The following KCND2 variants were observed in gnomAD, a reference collection of about 807,000 sequenced individuals.
KCND2 encodes the protein A-type voltage-gated potassium channel KCND2.
A neutral mutation model predicts 54.4 loss-of-function variants in KCND2; 16 were observed. The ratio of observed to expected loss-of-function variants is 0.29; its 90% CI spans 0.20 to 0.45. KCND2 has a LOEUF of 0.45. Ranked by LOEUF, KCND2 falls within the 20% of genes least tolerant of loss-of-function variation. The pLI is 1.00. For missense variants in KCND2, 486 were observed against 824.2 expected (o/e 0.59, Z 5.02); for synonymous variants, 317 against 310.7 (o/e 1.02, Z -0.21).
intron 1 of KCND2, among the ~76,000 whole-genome samples, chr7:120,362,294 T>G (rs949172105): frequency 6.6e-6 from 1 of 152,144 alleles, no homozygotes; most frequent in Non-Finnish European, 1.5e-5. Context: ...GCTTTTGAAG[T>G]AAAAAGTTTC....
intron 1 of KCND2, among the ~76,000 whole-genome samples, chr7:120,459,427 A>G (rs1456484578): frequency 6.6e-6 from 1 of 152,134 alleles, no homozygotes; most frequent in African/African-American, 2.4e-5. Context: ...TCAAATTTGA[A>G]TGGCTGCCTC....
chr7:120,509,061 C>T (rs1478861305), intron 1 of KCND2, among the ~76,000 whole-genome samples: 1 of 151,756 alleles, frequency 6.6e-6, no homozygotes, highest in Non-Finnish European at 1.5e-5. Flanking sequence ...GGTATTACTG[C>T]CAACAGTTTT....
chr7:120,430,693 A>G (rs1801776051), intron 1 of KCND2, among the ~76,000 whole-genome samples: 2 of 152,156 alleles, frequency 1.3e-5, no homozygotes, highest in East Asian at 1.9e-4. Context: ...TCCTTTCCCA[A>G]CTACATATTT....
chr7:120,377,563 G>GAA (rs34883321), intron 1 of KCND2, among the ~76,000 whole-genome samples: 9 of 150,200 alleles, frequency 6.0e-5, no homozygotes, highest in African/African-American at 1.5e-4. Flanking sequence ...CTCACCCCAA[G>GAA]AAAAAAAAAA....
chr7:120,701,868 T>A (rs1043755776), intron 1 of KCND2, among the ~76,000 whole-genome samples: 2 of 152,158 alleles, frequency 1.3e-5, no homozygotes, highest in African/African-American at 4.8e-5. Flanking sequence ...GAAGACAACG[T>A]AGGCAATGCC....
chr7:120,338,282 C>G (rs1026675543), intron 1 of KCND2, among the ~76,000 whole-genome samples: 1 of 152,038 alleles, frequency 6.6e-6, no homozygotes, highest in Non-Finnish European at 1.5e-5. Context: ...TATCCAGTAT[C>G]TCTTACTTCT....
chr7:120,578,916 T>TCACACACACA (rs111758455), intron 1 of KCND2, among the ~76,000 whole-genome samples: 5,842 of 146,746 alleles, frequency 0.04, 144 homozygotes, highest in Non-Finnish European at 0.063. Context: ...AGACCCTGTC[T>TCACACACACA]CACACACACA....
At chr7:120,688,405 T>A (rs1439742056) in intron 1 of KCND2, among the ~76,000 whole-genome samples, 1 of 152,152 alleles carries the variant, frequency 6.6e-6, no homozygotes, top group East Asian at 1.9e-4. Context: ...CATGCCATTT[T>A]CCCATATCAG....
intron 1 of KCND2, among the ~76,000 whole-genome samples, chr7:120,677,560 T>TAG (rs1477195497): frequency 0.015 from 2,084 of 137,492 alleles, 38 homozygotes; most frequent in African/African-American, 0.052. Context: ...TATATAGATA[T>TAG]ATAGATATAT....
At chr7:120,399,726 T>G (rs1409434362) in intron 1 of KCND2, among the ~76,000 whole-genome samples, 1 of 151,624 alleles carries the variant, frequency 6.6e-6, no homozygotes, top group African/African-American at 2.4e-5. Flanking sequence ...ATTTATTTAT[T>G]TATTTATTTA....
intron 1 of KCND2, among the ~76,000 whole-genome samples, chr7:120,597,320 C>T (rs941036147): frequency 3.3e-5 from 5 of 151,992 alleles, no homozygotes; most frequent in East Asian, 1.9e-4. Flanking sequence ...AACAAAGAAT[C>T]GTCTGTGTTT....
intron 1 of KCND2, among the ~76,000 whole-genome samples, chr7:120,443,663 C>A (rs915506687): frequency 6.6e-6 from 1 of 151,622 alleles, no homozygotes. Flanking sequence ...AAAGACTTCT[C>A]ATTTCCTACA....
intron 1 of KCND2, among the ~76,000 whole-genome samples, chr7:120,556,106 A>T (rs1041184719): frequency 6.6e-6 from 1 of 152,186 alleles, no homozygotes; most frequent in African/African-American, 2.4e-5. Flanking sequence ...AAATGTTTCT[A>T]TGCCATCATC....
At chr7:120,339,565 G>A (rs1361210629) in intron 1 of KCND2, among the ~76,000 whole-genome samples, 1 of 151,434 alleles carries the variant, frequency 6.6e-6, no homozygotes, top group Non-Finnish European at 1.5e-5. Flanking sequence ...AGGTGAGTAG[G>A]ATATAAGTTT....
chr7:120,363,868 C>T (rs959600168), intron 1 of KCND2, among the ~76,000 whole-genome samples: 1 of 152,128 alleles, frequency 6.6e-6, no homozygotes, highest in African/African-American at 2.4e-5. Flanking sequence ...GCTCACTCTG[C>T]CCTTCTCACT....
intron 1 of KCND2, among the ~76,000 whole-genome samples, chr7:120,360,369 A>G (rs555218944): frequency 6.6e-6 from 1 of 152,176 alleles, no homozygotes; most frequent in Non-Finnish European, 1.5e-5. Context: ...GATTTGGTTT[A>G]TCAAAGCCTA....
chr7:120,641,456 A>G (rs1169628057), intron 1 of KCND2, among the ~76,000 whole-genome samples: 1 of 152,170 alleles, frequency 6.6e-6, no homozygotes, highest in Non-Finnish European at 1.5e-5. Flanking sequence ...TGTGTAAATC[A>G]CATTGATAAT....
chr7:120,536,086 G>C (rs1441769143), intron 1 of KCND2, among the ~76,000 whole-genome samples: 2 of 152,120 alleles, frequency 1.3e-5, no homozygotes, highest in Non-Finnish European at 1.5e-5. Context: ...GTGTCGTTCA[G>C]TTCCACACAA....
intron 1 of KCND2, among the ~76,000 whole-genome samples, chr7:120,425,098 G>A (rs1456944917): frequency 1.3e-5 from 2 of 152,086 alleles, no homozygotes; most frequent in Non-Finnish European, 2.9e-5. Context: ...CGTTTACTTT[G>A]TATTGCATAT....
Sources: allele counts gnomAD v4.1 joint callset (sites outside exome capture counted in the v4.1 genomes callset), GRCh38; gene constraint gnomAD v4.1.1; transcripts MANE v1.5; gene names NCBI Gene and HGNC (gene_info 2026-07-23, HGNC 2026-07-21).